The following UBE2G1 variants were observed in gnomAD, a reference collection of about 807,000 sequenced individuals.
UBE2G1 encodes the protein ubiquitin conjugating enzyme E2 G1.
A neutral mutation model predicts 22.7 loss-of-function variants in UBE2G1; 5 were observed. The observed-to-expected ratio is 0.22, with a 90% confidence interval of 0.12 to 0.46. The LOEUF (loss-of-function observed/expected upper bound fraction) is 0.46. UBE2G1 is among the 20% of genes least tolerant of loss of function. UBE2G1 has a pLI of 0.99. For synonymous variants in UBE2G1, 74 were observed against 67.5 expected (o/e 1.10, Z -0.47); for missense variants, 88 against 203.9 (o/e 0.43, Z 3.46).
At chr17:4,323,907 T>C (rs1040214882) in intron 1 of UBE2G1, among the ~76,000 whole-genome samples, 1 of 152,138 alleles carries the variant, frequency 6.6e-6, no homozygotes, top group Non-Finnish European at 1.5e-5. Context: ...TACATAGATA[T>C]ATTTAGAGCA....
intron 2 of UBE2G1, chr17:4,302,047 AGGG>A: frequency 6.1e-6 from 3 of 491,148 alleles, no homozygotes; most frequent in Non-Finnish European, 1.2e-5. Flanking sequence ...CAACAAAAAA[AGGG>A]GGGGGAAGTT....
intron 5 of UBE2G1, among the ~76,000 whole-genome samples, chr17:4,276,465 G>C (rs923055745): frequency 6.6e-6 from 1 of 152,136 alleles, no homozygotes; most frequent in African/African-American, 2.4e-5. Context: ...GGCCTCCACT[G>C]AAGTTTTTAA....
chr17:4,295,051 T>C (rs147915330), intron 3 of UBE2G1, among the ~76,000 whole-genome samples: 2 of 152,280 alleles, frequency 1.3e-5, no homozygotes, highest in East Asian at 3.9e-4. Flanking sequence ...CCAACAGGGT[T>C]TGCCTAGAGT....
intron 1 of UBE2G1, chr17:4,331,849 T>C (rs1364229359): frequency 2.6e-5 from 4 of 152,174 alleles, no homozygotes; most frequent in Non-Finnish European, 4.4e-5. Context: ...GTGACCGTCG[T>C]ACGAGGGAGA....
chr17:4,318,624 C>T (rs1969403351), intron 1 of UBE2G1, among the ~76,000 whole-genome samples: 1 of 152,186 alleles, frequency 6.6e-6, no homozygotes, highest in South Asian at 2.1e-4. Flanking sequence ...CCTGTCACTT[C>T]CAACTAAGAA....
intron 3 of UBE2G1, among the ~76,000 whole-genome samples, chr17:4,290,425 T>C (rs1269824805): frequency 5.9e-5 from 9 of 152,204 alleles, no homozygotes; most frequent in Admixed American, 3.9e-4. Flanking sequence ...ATCAATATCA[T>C]TGCTCTCTTA....
At chr17:4,294,441 GAAA>G (rs1969083527) in intron 3 of UBE2G1, among the ~76,000 whole-genome samples, 1 of 62,904 alleles carries the variant, frequency 1.6e-5, no homozygotes, top group African/African-American at 7.1e-5. Flanking sequence ...AAAAAAAAAA[GAAA>G]GAAACGAAAA....
chr17:4,315,572 C>G (rs1264287256), intron 1 of UBE2G1, among the ~76,000 whole-genome samples: 3 of 151,478 alleles, frequency 2.0e-5, no homozygotes, highest in Non-Finnish European at 4.4e-5. Flanking sequence ...AACCCCGTCT[C>G]TACCAAAAAT....
At chr17:4,301,194 A>G (rs1969174547) in intron 2 of UBE2G1, among the ~76,000 whole-genome samples, 1 of 152,152 alleles carries the variant, frequency 6.6e-6, no homozygotes, top group Non-Finnish European at 1.5e-5. Context: ...TCTCTTGTCC[A>G]TTCATTCTAT....
chr17:4,359,681 A>C (rs541550274), intron 1 of UBE2G1, among the ~76,000 whole-genome samples: 2 of 152,236 alleles, frequency 1.3e-5, no homozygotes, highest in South Asian at 4.1e-4. Context: ...GTGAAACTCC[A>C]TCTCTACTAA....
chr17:4,309,676 G>C (rs1009729440), intron 1 of UBE2G1, among the ~76,000 whole-genome samples: 1 of 152,140 alleles, frequency 6.6e-6, no homozygotes, highest in African/African-American at 2.4e-5. Context: ...CCTTTTTCTA[G>C]AGAAACACCA....
chr17:4,310,507 T>C (rs553033961), intron 1 of UBE2G1, among the ~76,000 whole-genome samples: 23 of 152,242 alleles, frequency 1.5e-4, no homozygotes, highest in African/African-American at 5.5e-4. Flanking sequence ...AAACTTGAAA[T>C]AGGGCAATCA....
intron 2 of UBE2G1, among the ~76,000 whole-genome samples, chr17:4,304,585 T>C (rs1969227014): frequency 6.6e-6 from 1 of 152,042 alleles, no homozygotes; most frequent in Admixed American, 6.6e-5. Context: ...ATCAATCACA[T>C]AGACTGAAAA....
chr17:4,354,733 C>T (rs1395794742), intron 1 of UBE2G1, among the ~76,000 whole-genome samples: 1 of 151,988 alleles, frequency 6.6e-6, no homozygotes, highest in Non-Finnish European at 1.5e-5. Context: ...TAGTTCAAGA[C>T]CAGCCTGGGC....
intron 1 of UBE2G1, among the ~76,000 whole-genome samples, chr17:4,335,980 T>C (rs1422439491): frequency 6.6e-6 from 1 of 152,080 alleles, no homozygotes; most frequent in Non-Finnish European, 1.5e-5. Flanking sequence ...ATCCCATCTC[T>C]ACTAAAAATA....
intron 1 of UBE2G1, among the ~76,000 whole-genome samples, chr17:4,341,421 A>C (rs1343147136): frequency 6.6e-6 from 1 of 152,066 alleles, no homozygotes; most frequent in Non-Finnish European, 1.5e-5. Flanking sequence ...AAGGCTTCCA[A>C]ACTGGCCAGT....
At chr17:4,339,287 G>A (rs1969684265) in intron 1 of UBE2G1, among the ~76,000 whole-genome samples, 1 of 151,566 alleles carries the variant, frequency 6.6e-6, no homozygotes, top group Non-Finnish European at 1.5e-5. Context: ...CAATGTGTGG[G>A]TTCAGACCCA....
At chr17:4,289,106 TACACACACAC>T (rs71144179) in intron 4 of UBE2G1, 114 bp downstream of exon 4, 11 of 516,012 alleles carry the variant, frequency 2.1e-5, no homozygotes, top group South Asian at 8.2e-5. Flanking sequence ...TGGGAAGAGA[TACACACACAC>T]ACACACACAC....
intron 1 of UBE2G1, among the ~76,000 whole-genome samples, chr17:4,344,266 CGCGGTGGCT>C (rs1174874980): frequency 6.6e-6 from 1 of 152,148 alleles, no homozygotes; most frequent in African/African-American, 2.4e-5. Context: ...CCCGGCCGGG[CGCGGTGGCT>C]CGCGCCTGTA....
Sources: allele counts gnomAD v4.1 joint callset (sites outside exome capture counted in the v4.1 genomes callset), GRCh38; gene constraint gnomAD v4.1.1; transcripts MANE v1.5; gene names NCBI Gene and HGNC (gene_info 2026-07-23, HGNC 2026-07-21).